TTLL1: variants seen among roughly 807,000 people sequenced by gnomAD.
TTLL1 encodes TTL family tubulin polyglutamylase complex subunit L1, also known as polyglutamylase complex subunit TTLL1.
A neutral mutation model predicts 47.8 loss-of-function variants in TTLL1; 33 were observed. The observed-to-expected ratio is 0.69, with a 90% confidence interval of 0.52 to 0.92. TTLL1 has a LOEUF of 0.92. TTLL1 is among the 40% of genes least tolerant of loss of function. The pLI is 0.00. For missense variants in TTLL1, 488 were observed against 547.5 expected (o/e 0.89, Z 1.08); for synonymous variants, 225 against 214.1 (o/e 1.05, Z -0.45).
At chr22:43,053,370 C>T (rs1281630674) in intron 8 of TTLL1, among the ~76,000 whole-genome samples, 1 of 152,244 alleles carries the variant, frequency 6.6e-6, no homozygotes, top group Non-Finnish European at 1.5e-5. Context: ...TGGCTGCCTC[C>T]TCATGTAATT....
At position 43,049,712 on chromosome 22, in the gene TTLL1, C is replaced by T. The variant is rs190194758; in HGVS notation, c.978+2089G>A. ...TAAGCTCAGAAGGTGTAGGCTGCAG[C>T]GAGCTATGATTACACCACTGCCTCC... is the stretch of plus-strand genomic sequence containing the variant. On this transcript the variant is annotated intron_variant, in intron 9 of 10. Transcript: ENST00000266254. Among the ~76,000 whole-genome samples the T allele has an allele frequency of 9.9e-4, 148 of 149,190 alleles. 1 individual carries two copies. The highest frequency in any genetic ancestry group is 3.4e-4 in the Non-Finnish European group (23 of 67,524).
At chr22:43,080,378 A>G (rs1275403800) in intron 1 of TTLL1, among the ~76,000 whole-genome samples, 9 of 152,052 alleles carry the variant, frequency 5.9e-5, no homozygotes, top group Admixed American at 5.9e-4. Context: ...TAAGAATACT[A>G]TGACAAAACC....
chr22:43,064,251 T>C lies in TTLL1; in HGVS notation c.577A>G (p.Arg193Gly), dbSNP rs1167331537. ...ACGTACAAGCGCAGGTCGAACTTCC[T>C]CCCGCCAATTAGTAACGGGTTGTTA... ...YINNPLLIGG[R>G]KFDLRLYVLV... is the part of the protein sequence containing the mutation. Residue 193 changes from arginine to glycine, a missense_variant, in exon 6 of 11, where the codon AGG (arginine) becomes GGG (glycine). By Grantham distance (125) the Arg-to-Gly change is moderately radical. Coordinates refer to ENST00000266254, the MANE Select transcript of TTLL1 (RefSeq NM_012263.5). The C allele has an allele frequency of 5.0e-6, 8 of 1,614,064 alleles. No individual in the cohort carries two copies. Among genetic ancestry groups the C allele is most frequent in the Admixed American group, 1.7e-5 (1 of 59,968 alleles).
At chr22:43,084,178 T>C (rs547065023) in intron 1 of TTLL1, among the ~76,000 whole-genome samples, 6 of 152,212 alleles carry the variant, frequency 3.9e-5, no homozygotes, top group Middle Eastern at 3.4e-3. Context: ...TGAGATGGAG[T>C]CTAGCTCTAC....
intron 1 of TTLL1, among the ~76,000 whole-genome samples, chr22:43,084,658 C>T (rs1443458603): frequency 8.6e-5 from 13 of 151,790 alleles, no homozygotes; most frequent in Admixed American, 2.6e-4. Flanking sequence ...CCCGCCACCA[C>T]GCCCGGATAA....
At chr22:43,074,468 AT>A (rs1383748142) in intron 3 of TTLL1, among the ~76,000 whole-genome samples, 8 of 151,690 alleles carry the variant, frequency 5.3e-5, no homozygotes, top group Non-Finnish European at 7.4e-5. Context: ...AGAAAAAAAA[AT>A]ATATGTATCA....
chr22:43,081,356 GT>G (rs1928875942), intron 1 of TTLL1, among the ~76,000 whole-genome samples: 2 of 152,204 alleles, frequency 1.3e-5, no homozygotes, highest in African/African-American at 4.8e-5. Flanking sequence ...GAGGGAGTGG[GT>G]AAACCCTCCA....
chr22:43,055,205 G>A (rs1926921442), intron 8 of TTLL1, among the ~76,000 whole-genome samples: 1 of 151,866 alleles, frequency 6.6e-6, no homozygotes, highest in Non-Finnish European at 1.5e-5. Flanking sequence ...TGTATTTTTA[G>A]TAGAGATGGG....
intron 10 of TTLL1, among the ~76,000 whole-genome samples, 166 bp downstream of exon 10, chr22:43,046,244 A>C (rs964476336): frequency 6.6e-6 from 1 of 152,044 alleles, no homozygotes; most frequent in African/African-American, 2.4e-5. Context: ...TAAAATAAAC[A>C]AATTGCTTTT....
chr22:43,079,231 C>A (rs561416753), intron 2 of TTLL1, among the ~76,000 whole-genome samples: 91 of 111,666 alleles, frequency 8.1e-4, no homozygotes, highest in South Asian at 2.1e-3. Flanking sequence ...CCATCCCACA[C>A]CCCTCACACC....
At chr22:43,061,973 C>G (rs571717902) in intron 7 of TTLL1, among the ~76,000 whole-genome samples, 1 of 152,258 alleles carries the variant, frequency 6.6e-6, no homozygotes, top group South Asian at 2.1e-4. Flanking sequence ...TCAGAGCAAG[C>G]AGCTCAGTTT....
chr22:43,063,165 G>A (rs1428505706), intron 7 of TTLL1, among the ~76,000 whole-genome samples: 2 of 152,096 alleles, frequency 1.3e-5, no homozygotes, highest in African/African-American at 2.4e-5. Context: ...CCACAGTCCC[G>A]CCAGGTAATA....
intron 1 of TTLL1, among the ~76,000 whole-genome samples, chr22:43,082,179 A>G (rs1478020813): frequency 4.0e-5 from 6 of 151,126 alleles, no homozygotes; most frequent in Non-Finnish European, 8.8e-5. Flanking sequence ...TTTTTAAACA[A>G]CACAGATAAT....
intron 3 of TTLL1, among the ~76,000 whole-genome samples, chr22:43,073,289 G>A (rs912557537): frequency 5.9e-5 from 9 of 151,758 alleles, no homozygotes; most frequent in African/African-American, 2.2e-4. Flanking sequence ...GCATCCCAAG[G>A]TGCTGAGATT....
At chr22:43,085,949 G>A (rs558527996) in intron 1 of TTLL1, among the ~76,000 whole-genome samples, 12 of 152,304 alleles carry the variant, frequency 7.9e-5, no homozygotes, top group Admixed American at 3.3e-4. Context: ...TGTCGGGCAC[G>A]CAGCCAGCCA....
chr22:43,077,088 G>A (rs565072122), intron 2 of TTLL1, among the ~76,000 whole-genome samples: 2 of 151,844 alleles, frequency 1.3e-5, no homozygotes, highest in African/African-American at 4.8e-5. Context: ...GTGACAGAGT[G>A]AGACTCCACC....
At chr22:43,070,170 C>A in intron 3 of TTLL1, 3 of 1,380,906 alleles carry the variant, frequency 2.2e-6, no homozygotes, top group Non-Finnish European at 1.9e-6. Context: ...AAAAGATATA[C>A]CCTTTTCAGA....
intron 1 of TTLL1, among the ~76,000 whole-genome samples, chr22:43,082,959 AG>A (rs1338397104): frequency 7.2e-5 from 11 of 151,982 alleles, no homozygotes; most frequent in African/African-American, 2.7e-4. Flanking sequence ...GGTTGCAATG[AG>A]CCGAGATCGT....
chr22:43,077,888 CTT>C (rs1928615172), intron 2 of TTLL1, among the ~76,000 whole-genome samples: 1 of 152,204 alleles, frequency 6.6e-6, no homozygotes, highest in Non-Finnish European at 1.5e-5. Context: ...AGGCGGATCA[CTT>C]GAGCCCAAGA....
Sources: allele counts gnomAD v4.1 joint callset (sites outside exome capture counted in the v4.1 genomes callset), GRCh38; gene constraint gnomAD v4.1.1; transcripts MANE v1.5; gene names NCBI Gene and HGNC (gene_info 2026-07-23, HGNC 2026-07-21).